Variants in ATP13A5 observed in about 807,000 individuals in gnomAD.
ATP13A5 encodes the protein ATPase 13A5.
Under a neutral mutation model 150.2 loss-of-function variants are expected in ATP13A5, and 149 were observed. The observed-to-expected ratio is 0.99, with a 90% CI of 0.87 to 1.14. The LOEUF (loss-of-function observed/expected upper bound fraction) is 1.14, where lower values mean the gene tolerates loss of function less well. Ranked by LOEUF, ATP13A5 falls within the 50% of genes most tolerant of loss-of-function variation. The pLI is 0.00. For missense variants in ATP13A5, 1,383 were observed against 1,449.3 expected, an observed-to-expected ratio of 0.95 and a Z score of 0.74; for synonymous variants, 497 against 522.2, an observed-to-expected ratio of 0.95 and a Z score of 0.66.
chr3:193,338,694 C>CT lies in ATP13A5; in HGVS notation c.944-3596dup, dbSNP rs1249564409. Among the ~76,000 whole-genome samples the CT allele has an allele frequency of 3.3e-5, 5 of 151,972 alleles. No homozygotes were observed. The East Asian group carries it at 5.8e-4, about 18-fold the overall frequency. On this transcript the variant is annotated intron_variant, in intron 9 of 29. Coordinates refer to ENST00000342358, the MANE Select transcript of ATP13A5 (RefSeq NM_198505.4). ...ATCAGGGATATTGGTCTAAAATTCT[C>CT]TTTTTTTTGTTGTGTCTCTGCCAGG...
In ATP13A5 at chr3:193,333,762, A is replaced by T; in HGVS notation, c.1260T>A (p.Tyr420Ter). 1 of 1,613,722 alleles carries T rather than the reference A, an allele frequency of 6.2e-7. No individual in the cohort carries two copies. Among genetic ancestry groups the T allele is most frequent in the Non-Finnish European group, 8.5e-7 (1 of 1,179,738 alleles). Reference sequence around the variant, plus strand: ...CCCCAGTACTTACTCCATGGTACATATATACCCCTAGGGCATAGAAAAAAC... The same window carrying T: ...CCCCAGTACTTACTCCATGGTACATTTATACCCCTAGGGCATAGAAAAAAC... ...VMGFFYALGV[Y>*]MYHGVPPKDT... The change falls in exon 11 of 30, where the codon TAT becomes TAA. Residue 420 changes from tyrosine (Y) to a stop codon, truncating the protein, a stop_gained. Transcript: ENST00000342358. LOFTEE classifies it high-confidence loss of function.
intron 8 of ATP13A5, 36 bp downstream of exon 8, chr3:193,344,967 A>G (rs1373030247): frequency 6.4e-7 from 1 of 1,559,786 alleles, no homozygotes; most frequent in Admixed American, 1.7e-5. Context: ...CCCCTGAAAT[A>G]TTAAGATGCT....
At chr3:193,336,999 A>AT (rs1711896381) in intron 9 of ATP13A5, among the ~76,000 whole-genome samples, 1 of 151,966 alleles carries the variant, frequency 6.6e-6, no homozygotes, top group Non-Finnish European at 1.5e-5. Context: ...GATGATGAGC[A>AT]TTTTTTCATG....
chr3:193,327,769 G>C (rs1045332298), intron 12 of ATP13A5, among the ~76,000 whole-genome samples: 1 of 152,198 alleles, frequency 6.6e-6, no homozygotes, highest in Non-Finnish European at 1.5e-5. Flanking sequence ...CACAGGTGTT[G>C]ATGAATTACA....
chr3:193,321,103 A>C (rs1719257939), intron 16 of ATP13A5, among the ~76,000 whole-genome samples: 1 of 152,106 alleles, frequency 6.6e-6, no homozygotes, highest in Non-Finnish European at 1.5e-5. Context: ...GACCCTCAGT[A>C]GCTCCCTATT....
chr3:193,276,671 C>T, intron 29 of ATP13A5, 79 bp downstream of exon 29: 1 of 994,722 alleles, frequency 1.0e-6, no homozygotes, highest in Non-Finnish European at 1.5e-6. Flanking sequence ...AAAGTGGTTG[C>T]TCTAGAAAAT....
intron 27 of ATP13A5, among the ~76,000 whole-genome samples, chr3:193,280,772 C>G (rs1472152063): frequency 6.6e-6 from 1 of 152,172 alleles, no homozygotes; most frequent in African/African-American, 2.4e-5. Flanking sequence ...AGCATTTAAT[C>G]AGCATTGCCA....
At chr3:193,279,537 T>G in intron 27 of ATP13A5, 83 bp from the exon 28 acceptor site, 1 of 1,074,584 alleles carries the variant, frequency 9.3e-7, no homozygotes, top group Non-Finnish European at 1.4e-6. Flanking sequence ...CAATTATCTC[T>G]GTTGGGCAAA....
chr3:193,362,761 CTTT>C (rs1713072262), intron 3 of ATP13A5, 124 bp from the exon 4 acceptor site: 8 of 133,582 alleles, frequency 6.0e-5, no homozygotes, highest in South Asian at 9.4e-5. Flanking sequence ...TTCTTTCTTT[CTTT>C]CTTTCTTTCT....
At chr3:193,318,105 T>A (rs1719120299) in intron 17 of ATP13A5, among the ~76,000 whole-genome samples, 1 of 152,240 alleles carries the variant, frequency 6.6e-6, no homozygotes, top group Admixed American at 6.5e-5. Context: ...AAGGCCTTCT[T>A]GGAGATCATC....
Position 193,362,570 on chromosome 3 carries a change from A to G in ATP13A5, c.452T>C (p.Val151Ala). 1 of 1,614,126 alleles carries G rather than the reference A, an allele frequency of 6.2e-7. No individual in the cohort carries two copies. The highest frequency in any genetic ancestry group is 8.5e-7 in the Non-Finnish European group (1 of 1,179,986). ...WNDLEKRFQK[V>A]GLLEDSNSCS... ...GGTGACAAAACATTGTACTTACCCA[A>G]CTTTCTGAAACCGCTTCTCCAGGTC... is the stretch of plus-strand genomic sequence containing the variant. The change falls in exon 4 of 30, where the codon GTT becomes GCT. Residue 151 changes from valine (V) to alanine (A), a missense_variant. Physicochemically the swap from Val to Ala is moderately conservative, Grantham distance 64. Transcript: ENST00000342358.
At chr3:193,378,379 T>C (rs1007339703) in intron 1 of ATP13A5, among the ~76,000 whole-genome samples, 5 of 152,202 alleles carry the variant, frequency 3.3e-5, no homozygotes, top group Admixed American at 1.3e-4. Context: ...CTGAGCACCA[T>C]GCGGGGCTCT....
At chr3:193,347,524 C>CTTTTCTTTTTTT (rs72383894) in intron 7 of ATP13A5, among the ~76,000 whole-genome samples, 2 of 145,372 alleles carry the variant, frequency 1.4e-5, no homozygotes, top group Non-Finnish European at 1.5e-5. Context: ...CCTTAGATTT[C>CTTTTCTTTTTTT]TTTTTTTTTT....
At chr3:193,297,229 G>A (rs1024646765) in intron 25 of ATP13A5, among the ~76,000 whole-genome samples, 5 of 152,044 alleles carry the variant, frequency 3.3e-5, no homozygotes, top group African/African-American at 1.2e-4. Context: ...GGGAAGTGAA[G>A]AAGAGACCAT....
At chr3:193,303,786 TG>T (rs2108842573) in intron 23 of ATP13A5, among the ~76,000 whole-genome samples, 1 of 146,420 alleles carries the variant, frequency 6.8e-6, no homozygotes, top group African/African-American at 2.7e-5. Context: ...CATTTGTATG[TG>T]TGTGTGTATA....
rs6775952 is a variant in ATP13A5 at position 193,333,193 on chromosome 3, A to G, written c.1272+557T>C. Among the ~76,000 whole-genome samples the G allele has an allele frequency of 6.6e-3, 1,005 of 151,570 alleles. 11 individuals are homozygous for G. The highest frequency in any genetic ancestry group is 0.023 in the African/African-American group (939 of 41,240). ...CACAAACACACACACACACACACAC[A>G]CGCTCATTGATGCCACCAATTTGGA... On this transcript the variant is annotated intron_variant, in intron 11 of 29. Transcript: ENST00000342358.
chr3:193,322,407 G>T, intron 15 of ATP13A5, 84 bp downstream of exon 15: 1 of 1,057,288 alleles, frequency 9.5e-7, no homozygotes, highest in Non-Finnish European at 1.4e-6. Flanking sequence ...CAAAATAATA[G>T]GACTATAAAA....
chr3:193,360,293 G>T (rs1223387476), intron 5 of ATP13A5, among the ~76,000 whole-genome samples: 5 of 148,060 alleles, frequency 3.4e-5, no homozygotes, highest in African/African-American at 9.8e-5. Flanking sequence ...ATGTAAATCT[G>T]CATTTTCTCT....
intron 5 of ATP13A5, among the ~76,000 whole-genome samples, chr3:193,358,611 T>G (rs919528065): frequency 3.3e-5 from 5 of 152,242 alleles, no homozygotes; most frequent in African/African-American, 1.2e-4. Flanking sequence ...GAAAGTTATT[T>G]TAGTTTTTTA....
Sources: gnomAD v4.1 joint callset for allele counts (sites outside exome capture counted in the v4.1 genomes callset) on GRCh38, gnomAD v4.1.1 for gene constraint, MANE v1.5 for transcripts, NCBI Gene and HGNC (gene_info 2026-07-23, HGNC 2026-07-21) for gene names.